The following MTHFD1L variants were observed in gnomAD, a reference collection of about 807,000 sequenced individuals.
MTHFD1L encodes methylenetetrahydrofolate dehydrogenase (NADP+ dependent) 1 like, also known as monofunctional C1-tetrahydrofolate synthase, mitochondrial.
Under a neutral mutation model 119.5 loss-of-function variants are expected in MTHFD1L, and 81 were observed. The observed-to-expected ratio is 0.68, with a 90% CI of 0.57 to 0.82. MTHFD1L has a LOEUF of 0.82. Ranked by LOEUF, MTHFD1L falls within the 40% of genes least tolerant of loss-of-function variation. The pLI, the probability that MTHFD1L is intolerant of heterozygous loss-of-function variation, is 0.00. For synonymous variants in MTHFD1L, 430 were observed against 475.2 expected, an observed-to-expected ratio of 0.90 and a Z score of 1.24; for missense variants, 1,125 against 1,253.4, an observed-to-expected ratio of 0.90 and a Z score of 1.55.
At chr6:150,906,930 C>G (rs1433038935) in intron 8 of MTHFD1L, among the ~76,000 whole-genome samples, 5 of 151,728 alleles carry the variant, frequency 3.3e-5, no homozygotes, top group African/African-American at 9.7e-5. Flanking sequence ...GCCCTAATGG[C>G]TCTTTTTAAC....
At chr6:150,927,967 T>TA (rs1790329176) in intron 11 of MTHFD1L, among the ~76,000 whole-genome samples, 1 of 152,170 alleles carries the variant, frequency 6.6e-6, no homozygotes, top group South Asian at 2.1e-4. Flanking sequence ...TTCCACAACT[T>TA]ACTTGACCAA....
rs1785783980 is a variant in MTHFD1L, at chr6:150,905,663, A to C, written c.794A>C (p.Asp265Ala). 1 of 1,613,806 alleles carries C rather than the reference A, an allele frequency of 6.2e-7. No individual in the cohort carries two copies. The highest frequency in any genetic ancestry group is 1.3e-5 in the African/African-American group (1 of 74,914). Residue 265 changes from aspartate to alanine, a missense_variant, in exon 8 of 28, where the codon GAC becomes GCC. Asp to Ala is a moderately radical substitution (Grantham distance 126). Around this residue, in one of 3 missense-constraint regions of MTHFD1L, gnomAD observed 1,058 missense variants for 1,151.2 expected, o/e 0.92. Coordinates refer to ENST00000367321, the MANE Select transcript of MTHFD1L (RefSeq NM_015440.5). Reference protein sequence around the residue: ...RQLQSKLHEADIVVLGSPKPE... With the variant: ...RQLQSKLHEAAIVVLGSPKPE... The stretch of plus-strand genomic sequence containing the variant: ...TTCTCCTTTTAGCTTCACGAGGCTG[A>C]CATTGTGGTCCTAGGCTCACCTAAG...
intron 26 of MTHFD1L, among the ~76,000 whole-genome samples, chr6:151,070,271 GT>G (rs1562626181): frequency 1.3e-5 from 2 of 152,164 alleles, no homozygotes; most frequent in African/African-American, 4.8e-5. Flanking sequence ...CAACCTGAGA[GT>G]TACTCTCCCT....
intron 26 of MTHFD1L, among the ~76,000 whole-genome samples, chr6:151,068,164 C>T (rs552178693): frequency 1.1e-4 from 17 of 152,360 alleles, no homozygotes; most frequent in Admixed American, 3.9e-4. Context: ...CAGATCTGAT[C>T]ACAGCAGTGT....
In MTHFD1L at chr6:151,039,244, A is replaced by G. The variant is rs1347951188; in HGVS notation, c.2847+2127A>G. ...ACACCGCTCGTAGCAGTGTTGGCACAGGGAGAAGGGCCTGGATGAAATGGG... is the reference window on the plus strand; with the variant it reads ...ACACCGCTCGTAGCAGTGTTGGCACGGGGAGAAGGGCCTGGATGAAATGGG... On this transcript the variant is annotated intron_variant, in intron 26 of 27. Transcript: ENST00000367321. The surrounding 1 kb of genome is among the most constrained non-coding windows in gnomAD (Gnocchi z 4.4). 6.6e-6 allele frequency among the ~76,000 whole-genome samples: 1 copy of G among 152,206 alleles called. No individual in the cohort carries two copies. The highest frequency in any genetic ancestry group is 1.5e-5 in the Non-Finnish European group (1 of 68,040).
intron 20 of MTHFD1L, among the ~76,000 whole-genome samples, chr6:150,975,807 C>G (rs1040220865): frequency 6.6e-6 from 1 of 152,198 alleles, no homozygotes; most frequent in Non-Finnish European, 1.5e-5. Context: ...TTGGCAGAAG[C>G]CCCCTGAGCA....
intron 1 of MTHFD1L, chr6:150,866,318 C>G: frequency 6.9e-7 from 1 of 1,459,152 alleles, no homozygotes; most frequent in Non-Finnish European, 9.0e-7. Context: ...CGGCATGGAC[C>G]GCACGCCCGG....
intron 20 of MTHFD1L, among the ~76,000 whole-genome samples, chr6:150,982,016 G>GT (rs1777572031): frequency 6.6e-6 from 1 of 152,180 alleles, no homozygotes; most frequent in African/African-American, 2.4e-5. Context: ...GAGTCCAAAA[G>GT]TTTAAGGCTG....
chr6:150,994,238 G>T (rs1047586338), intron 20 of MTHFD1L, among the ~76,000 whole-genome samples: 3 of 152,042 alleles, frequency 2.0e-5, no homozygotes, highest in Non-Finnish European at 4.4e-5. Flanking sequence ...ACAAGCTCCA[G>T]CCATTGCATC....
At chr6:150,938,794 G>T in intron 13 of MTHFD1L, 49 bp downstream of exon 13, 1 of 1,565,278 alleles carries the variant, frequency 6.4e-7, no homozygotes, top group South Asian at 1.2e-5. Context: ...TTTCCTTCCT[G>T]ACATCTTGTC....
At chr6:151,092,333 T>C in intron 26 of MTHFD1L, 134 bp from the exon 27 acceptor site, 1 of 581,132 alleles carries the variant, frequency 1.7e-6, no homozygotes, top group Non-Finnish European at 2.9e-6. Flanking sequence ...GATGACAAAT[T>C]TAAAGAGATA....
chr6:150,973,494 G>A (rs1438695351), intron 20 of MTHFD1L, among the ~76,000 whole-genome samples: 2 of 152,130 alleles, frequency 1.3e-5, no homozygotes, highest in African/African-American at 4.8e-5. Context: ...GGTCAGGGCG[G>A]GCACTGGAAA....
chr6:151,038,487 G>T (rs1786549267), intron 26 of MTHFD1L, among the ~76,000 whole-genome samples: 1 of 152,020 alleles, frequency 6.6e-6, no homozygotes, highest in Non-Finnish European at 1.5e-5. Flanking sequence ...GGATCTTGAA[G>T]ACCATCTCAT....
At chr6:151,051,369 A>G (rs1400145055) in intron 26 of MTHFD1L, among the ~76,000 whole-genome samples, 2 of 152,108 alleles carry the variant, frequency 1.3e-5, no homozygotes, top group Non-Finnish European at 1.5e-5. Context: ...CATCATCATC[A>G]TCACCATCAC....
At chr6:151,027,628 G>A (rs1784769931) in intron 24 of MTHFD1L, among the ~76,000 whole-genome samples, 1 of 150,236 alleles carries the variant, frequency 6.7e-6, no homozygotes, top group Non-Finnish European at 1.5e-5. Flanking sequence ...GACTGAGCTT[G>A]GCTTTTTTTT....
intron 11 of MTHFD1L, among the ~76,000 whole-genome samples, chr6:150,930,931 C>T (rs892575606): frequency 5.3e-5 from 8 of 152,184 alleles, no homozygotes; most frequent in African/African-American, 1.9e-4. Flanking sequence ...ATGGTATTTA[C>T]ACCTACACAT....
At chr6:150,886,647 A>G (rs1782354045) in intron 6 of MTHFD1L, among the ~76,000 whole-genome samples, 1 of 151,968 alleles carries the variant, frequency 6.6e-6, no homozygotes, top group Non-Finnish European at 1.5e-5. Context: ...TAATGAGTAA[A>G]TTACTACCAA....
intron 24 of MTHFD1L, among the ~76,000 whole-genome samples, chr6:151,024,511 C>G (rs961999825): frequency 6.6e-6 from 1 of 151,770 alleles, no homozygotes; most frequent in Admixed American, 6.6e-5. Flanking sequence ...CCACTGCATT[C>G]CAGCCTAAGC....
intron 20 of MTHFD1L, among the ~76,000 whole-genome samples, chr6:151,009,305 C>T (rs1459257595): frequency 6.6e-6 from 1 of 151,788 alleles, no homozygotes; most frequent in Non-Finnish European, 1.5e-5. Flanking sequence ...GAGGCTGAGG[C>T]GGGTGGATCA....
Sources: gnomAD v4.1 joint callset for allele counts (sites outside exome capture counted in the v4.1 genomes callset) on GRCh38, gnomAD v4.1.1 for gene constraint, gnomAD v4.1.1 regional missense constraint, Gnocchi (gnomAD v3.1) non-coding constraint, MANE v1.5 for transcripts, NCBI Gene and HGNC (gene_info 2026-07-23, HGNC 2026-07-21) for gene names.